MTMR3: variants seen among roughly 807,000 people sequenced by gnomAD.
The protein encoded by MTMR3 is myotubularin related protein 3.
A neutral mutation model predicts 132.4 loss-of-function variants in MTMR3; 32 were observed. The observed-to-expected ratio is 0.24, with a 90% CI of 0.18 to 0.32. The LOEUF is 0.32. Ranked by LOEUF, MTMR3 falls within the 10% of genes least tolerant of loss-of-function variation. The probability of loss-of-function intolerance (pLI) is 1.00; values close to 1 mark genes in which losing one functional copy is unlikely to be tolerated. For missense variants in MTMR3, 1,216 were observed against 1,489.6 expected, an observed-to-expected ratio of 0.82 and a Z score of 3.02; for synonymous variants, 556 against 550.3, an observed-to-expected ratio of 1.01 and a Z score of -0.14.
intron 1 of MTMR3, among the ~76,000 whole-genome samples, chr22:29,896,492 ATCT>A (rs2064899144): frequency 6.6e-6 from 1 of 151,992 alleles, no homozygotes; most frequent in Non-Finnish European, 1.5e-5. Context: ...TACACTCCTC[ATCT>A]TCAAGGCTCT....
chr22:29,889,284 C>CTTTTT, intron 1 of MTMR3, among the ~76,000 whole-genome samples: 1 of 116,366 alleles, frequency 8.6e-6, no homozygotes, highest in Middle Eastern at 5.0e-3. Flanking sequence ...AGCTACGGAA[C>CTTTTT]TTTTTTTTTT....
chr22:29,928,326 C>G (rs1457228549), intron 1 of MTMR3, among the ~76,000 whole-genome samples: 1 of 151,912 alleles, frequency 6.6e-6, no homozygotes, highest in Non-Finnish European at 1.5e-5. Context: ...CGCCTGCCAC[C>G]ACGTCCAGAT....
chr22:29,941,939 T>C (rs2065864995), intron 1 of MTMR3, among the ~76,000 whole-genome samples: 1 of 152,158 alleles, frequency 6.6e-6, no homozygotes, highest in Admixed American at 6.5e-5. Flanking sequence ...GCTACGATTG[T>C]GCCACTGCAC....
At chr22:29,928,846 T>G (rs36584) in intron 1 of MTMR3, among the ~76,000 whole-genome samples, 151,244 of 152,278 alleles carry the variant, frequency 0.99, 75,106 homozygotes, top group Middle Eastern at 1. Flanking sequence ...CAGGGAATAT[T>G]TGCGCCGACT....
intron 2 of MTMR3, 41 bp from the exon 3 acceptor site, chr22:29,970,935 C>CT (rs34749290): frequency 0.41 from 180,496 of 442,618 alleles, 52,469 homozygotes; most frequent in African/African-American, 0.74. Flanking sequence ...CTCCCCTCCT[C>CT]TTTTTTTTTT....
chr22:29,896,290 A>G (rs1808893595), intron 1 of MTMR3, among the ~76,000 whole-genome samples: 1 of 152,308 alleles, frequency 6.6e-6, no homozygotes, highest in South Asian at 2.1e-4. Flanking sequence ...AGCCTAGGTG[A>G]TAGAGTGAGA....
At chr22:29,886,390 T>G (rs528745868) in intron 1 of MTMR3, among the ~76,000 whole-genome samples, 64 of 152,356 alleles carry the variant, frequency 4.2e-4, no homozygotes, top group African/African-American at 1.5e-3. Context: ...CAGATGTTAG[T>G]TACTTTTTTA....
intron 1 of MTMR3, among the ~76,000 whole-genome samples, chr22:29,898,728 G>T (rs1359266387): frequency 6.6e-6 from 1 of 151,908 alleles, no homozygotes; most frequent in East Asian, 1.9e-4. Context: ...GAACCTTCAC[G>T]CCTTCCCATC....
At chr22:29,955,232 G>T (rs1272410901) in intron 1 of MTMR3, among the ~76,000 whole-genome samples, 1 of 152,158 alleles carries the variant, frequency 6.6e-6, no homozygotes, top group South Asian at 2.1e-4. Flanking sequence ...TGATCCTCCT[G>T]CCTCAGCCTC....
intron 2 of MTMR3, among the ~76,000 whole-genome samples, chr22:29,964,795 C>T (rs1240618652): frequency 1.3e-5 from 2 of 152,166 alleles, no homozygotes; most frequent in Non-Finnish European, 2.9e-5. Context: ...CAAATCACGT[C>T]ACTCTGCTAT....
chr22:29,886,776 T>C (rs1288122237), intron 1 of MTMR3, among the ~76,000 whole-genome samples: 2 of 152,228 alleles, frequency 1.3e-5, no homozygotes, highest in African/African-American at 2.4e-5. Context: ...AGAAAGAACA[T>C]GCTTATGCTG....
chr22:29,988,508 A>G lies in MTMR3; in HGVS notation c.239A>G (p.Glu80Gly). The G allele has an allele frequency of 1.2e-6, 2 of 1,612,840 alleles. No homozygotes were observed. Among genetic ancestry groups the G allele is most frequent in the Middle Eastern group, 3.3e-4 (2 of 6,050 alleles). Residue 80 changes from glutamate (E) to glycine (G), a missense_variant, in exon 6 of 20, where the codon GAA (glutamate) becomes GGA (glycine). Physicochemically the swap from Glu to Gly is moderately conservative, Grantham distance 98. Around this residue, in one of 7 missense-constraint regions of MTMR3, gnomAD observed 129 missense variants for 245.7 expected, o/e 0.53. Transcript: ENST00000401950. ...NVPLQLIESV[E>G]CRDIFQLHLT... is the part of the protein sequence containing the mutation. ...CCATTACAGCTTATAGAAAGTGTTG[A>G]ATGCCGAGATATATTTCAGCTTCAT... is the stretch of plus-strand genomic sequence containing the variant.
intron 1 of MTMR3, among the ~76,000 whole-genome samples, chr22:29,942,263 A>G (rs532676919): frequency 2.0e-5 from 3 of 152,290 alleles, no homozygotes; most frequent in Non-Finnish European, 4.4e-5. Flanking sequence ...AAAACCAGCA[A>G]GTTTTTATTA....
chr22:29,961,883 A>G (rs1045776402), intron 2 of MTMR3, among the ~76,000 whole-genome samples: 1 of 152,258 alleles, frequency 6.6e-6, no homozygotes, highest in Non-Finnish European at 1.5e-5. Context: ...TTAGATATAC[A>G]AATAGGGAGC....
intron 8 of MTMR3, chr22:30,000,487 A>AAAT (rs1041834369): frequency 2.0e-5 from 3 of 151,680 alleles, no homozygotes; most frequent in African/African-American, 7.2e-5. Context: ...AAAAAAAAAA[A>AAAT]ATATATATAT....
chr22:29,978,891 T>G, intron 4 of MTMR3, 45 bp from the exon 5 acceptor site: 1 of 1,420,030 alleles, frequency 7.0e-7, no homozygotes, highest in Non-Finnish European at 9.8e-7. Context: ...AGCTTTTTTT[T>G]TTTTAACTGC....
chr22:29,952,929 G>A (rs1026422732), intron 1 of MTMR3, among the ~76,000 whole-genome samples: 2 of 152,052 alleles, frequency 1.3e-5, no homozygotes, highest in Non-Finnish European at 2.9e-5. Context: ...CATAAGAAAG[G>A]AAACACTAAC....
intron 12 of MTMR3, 112 bp from the exon 13 acceptor site, chr22:30,012,256 A>G (rs992965813): frequency 1.4e-5 from 17 of 1,191,720 alleles, no homozygotes; most frequent in Admixed American, 7.3e-5. Context: ...TGGCAGTGTT[A>G]TATTTGGAGA....
intron 1 of MTMR3, among the ~76,000 whole-genome samples, chr22:29,887,490 G>C (rs1255942377): frequency 1.3e-5 from 2 of 152,162 alleles, no homozygotes; most frequent in Non-Finnish European, 2.9e-5. Flanking sequence ...ATTGTCAAGT[G>C]CAGAATTTAC....
Sources: gnomAD v4.1 joint callset for allele counts (sites outside exome capture counted in the v4.1 genomes callset) on GRCh38, gnomAD v4.1.1 for gene constraint, gnomAD v4.1.1 regional missense constraint, MANE v1.5 for transcripts, NCBI Gene and HGNC (gene_info 2026-07-23, HGNC 2026-07-21) for gene names.